TENM4: variants seen among roughly 807,000 people sequenced by gnomAD.
The protein encoded by TENM4 is teneurin transmembrane protein 4.
A neutral mutation model predicts 243.3 loss-of-function variants in TENM4; 82 were observed. The ratio of observed to expected loss-of-function variants is 0.34; its 90% CI spans 0.28 to 0.40. TENM4 has a LOEUF of 0.40. Among genes scored for constraint, TENM4 ranks in the 10% least tolerant of loss-of-function variants. The probability of loss-of-function intolerance (pLI) is 1.00; values close to 1 mark genes in which losing one functional copy is unlikely to be tolerated. For synonymous variants in TENM4, 1,412 were observed against 1,456.3 expected, an observed-to-expected ratio of 0.97 and a Z score of 0.69; for missense variants, 3,138 against 3,673.3, an observed-to-expected ratio of 0.85 and a Z score of 3.77.
At chr11:78,885,469 G>A (rs1855529974) in intron 9 of TENM4, among the ~76,000 whole-genome samples, 1 of 152,242 alleles carries the variant, frequency 6.6e-6, no homozygotes, top group Non-Finnish European at 1.5e-5. Flanking sequence ...CAGGAGAGGA[G>A]GAGATGGCCC....
intron 1 of TENM4, among the ~76,000 whole-genome samples, chr11:79,433,626 T>G (rs1427300363): frequency 6.6e-6 from 1 of 152,178 alleles, no homozygotes; most frequent in Non-Finnish European, 1.5e-5. Context: ...TCTGATACCC[T>G]TTTGCACTAT....
At chr11:78,826,758 A>C (rs561372647) in intron 12 of TENM4, among the ~76,000 whole-genome samples, 4 of 152,328 alleles carry the variant, frequency 2.6e-5, no homozygotes, top group African/African-American at 9.6e-5. Flanking sequence ...GTCAAAGAAA[A>C]ATCTTCATGT....
intron 1 of TENM4, among the ~76,000 whole-genome samples, chr11:79,351,483 A>G (rs1857414506): frequency 6.6e-6 from 1 of 152,148 alleles, no homozygotes; most frequent in Admixed American, 6.5e-5. Flanking sequence ...AGGCGGGCAG[A>G]TCACTTGAGA....
At chr11:79,091,408 T>C (rs1860946426) in intron 4 of TENM4, among the ~76,000 whole-genome samples, 1 of 151,856 alleles carries the variant, frequency 6.6e-6, no homozygotes, top group Non-Finnish European at 1.5e-5. Flanking sequence ...GTGTTGGAGA[T>C]ATAAAAAAAA....
At chr11:79,397,877 G>A (rs1232160176) in intron 1 of TENM4, among the ~76,000 whole-genome samples, 1 of 152,138 alleles carries the variant, frequency 6.6e-6, no homozygotes. Context: ...GAGGTTGCAT[G>A]GTAGAAAGTT....
chr11:79,101,735 A>G (rs1277047636), intron 4 of TENM4, among the ~76,000 whole-genome samples: 1 of 152,220 alleles, frequency 6.6e-6, no homozygotes, highest in Non-Finnish European at 1.5e-5. Flanking sequence ...GACTATTACC[A>G]TAAGCACTGC....
intron 2 of TENM4, among the ~76,000 whole-genome samples, chr11:79,218,243 C>T (rs529690923): frequency 3.5e-5 from 5 of 143,424 alleles, no homozygotes; most frequent in East Asian, 2.2e-4. Context: ...CACCCACCCC[C>T]GACACACACA....
At chr11:78,994,622 C>T (rs1245985907) in intron 6 of TENM4, among the ~76,000 whole-genome samples, 7 of 152,152 alleles carry the variant, frequency 4.6e-5, no homozygotes, top group Admixed American at 1.3e-4. Flanking sequence ...CAATCGCTTA[C>T]GGTAGGATGG....
intron 4 of TENM4, chr11:79,076,346 A>T (rs542569362): frequency 6.6e-6 from 1 of 152,580 alleles, no homozygotes; most frequent in Non-Finnish European, 1.5e-5. Context: ...GGTACTTTAT[A>T]CAGGAAAAGG....
At chr11:78,767,970 AGGTGT>A (rs1184639137) in intron 18 of TENM4, among the ~76,000 whole-genome samples, 1 of 152,224 alleles carries the variant, frequency 6.6e-6, no homozygotes, top group Non-Finnish European at 1.5e-5. Flanking sequence ...AGCCCTACAA[AGGTGT>A]GCTTGGCTGA....
At chr11:79,417,405 G>A (rs1349869496) in intron 1 of TENM4, among the ~76,000 whole-genome samples, 2 of 152,100 alleles carry the variant, frequency 1.3e-5, no homozygotes, top group Admixed American at 6.5e-5. Context: ...TTTGTGCCCA[G>A]ATGCCGTTGT....
At chr11:79,224,690 C>T (rs904526517) in intron 2 of TENM4, among the ~76,000 whole-genome samples, 1 of 152,146 alleles carries the variant, frequency 6.6e-6, no homozygotes, top group African/African-American at 2.4e-5. Flanking sequence ...ATGGCTCACG[C>T]CTGTAATCCC....
At position 78,676,137 on chromosome 11, in the gene TENM4, A is replaced by G; in HGVS notation, c.5496+15T>C. 1 of 1,490,342 alleles carries G rather than the reference A, an allele frequency of 6.7e-7. No individual in the cohort carries two copies. The allele number at this position is 1,490,342 out of a possible 1,614,324, so 92.3% of individuals were successfully genotyped here. ...TTCCCCCCAGGACGCAGCCACCTCC[A>G]GAGGCCTCGCTCACCCGCAGCCGGC... is the stretch of plus-strand genomic sequence containing the variant. On this transcript the variant is annotated intron_variant, in intron 30 of 33. Transcript: ENST00000278550.
chr11:78,943,856 C>T (rs1384461607), intron 6 of TENM4, among the ~76,000 whole-genome samples: 1 of 152,164 alleles, frequency 6.6e-6, no homozygotes, highest in Non-Finnish European at 1.5e-5. Flanking sequence ...ATTCTATTTA[C>T]CATGTATTTT....
chr11:78,822,605 T>C (rs1372737772), intron 12 of TENM4, among the ~76,000 whole-genome samples: 2 of 152,004 alleles, frequency 1.3e-5, no homozygotes, highest in Non-Finnish European at 2.9e-5. Context: ...TCAGGATAAA[T>C]AGTTAAGGCA....
chr11:79,396,412 AT>A (rs1249611464), intron 1 of TENM4, among the ~76,000 whole-genome samples: 1 of 152,190 alleles, frequency 6.6e-6, no homozygotes, highest in Non-Finnish European at 1.5e-5. Flanking sequence ...GGAGGTAAAA[AT>A]ATCACACAAA....
intron 2 of TENM4, among the ~76,000 whole-genome samples, chr11:79,219,766 G>GA (rs1261863177): frequency 6.6e-6 from 1 of 152,198 alleles, no homozygotes; most frequent in African/African-American, 2.4e-5. Flanking sequence ...CTGTCCACCG[G>GA]TATGTGGAGC....
chr11:79,389,341 A>G (rs1209631746), intron 1 of TENM4, among the ~76,000 whole-genome samples: 1 of 152,032 alleles, frequency 6.6e-6, no homozygotes, highest in East Asian at 1.9e-4. Flanking sequence ...TTTTTTTTGT[A>G]GACAAGGGTC....
At chr11:79,138,594 C>A (rs1177969728) in intron 4 of TENM4, among the ~76,000 whole-genome samples, 4 of 78,676 alleles carry the variant, frequency 5.1e-5, no homozygotes, top group East Asian at 2.9e-4. Context: ...ATACATAAAA[C>A]ATATATTATA....
Sources: gnomAD v4.1 joint callset for allele counts (sites outside exome capture counted in the v4.1 genomes callset) on GRCh38, gnomAD v4.1.1 for gene constraint, MANE v1.5 for transcripts, NCBI Gene and HGNC (gene_info 2026-07-23, HGNC 2026-07-21) for gene names.